TEAD1: variants seen among roughly 807,000 people sequenced by gnomAD.
TEAD1 encodes TEA domain transcription factor 1.
A neutral mutation model predicts 54.9 loss-of-function variants in TEAD1; 9 were observed. That is an observed-to-expected ratio of 0.16 (90% CI 0.10 to 0.29). The LOEUF (loss-of-function observed/expected upper bound fraction) is 0.29, where lower values mean the gene tolerates loss of function less well. TEAD1 is among the 10% of genes least tolerant of loss of function. The pLI, the probability that TEAD1 is intolerant of heterozygous loss-of-function variation, is 1.00. For missense variants in TEAD1, 387 were observed against 535.9 expected (o/e 0.72, Z 2.74); for synonymous variants, 200 against 187.8 (o/e 1.07, Z -0.53).
At chr11:12,739,420 G>A (rs1195813840) in intron 2 of TEAD1, among the ~76,000 whole-genome samples, 1 of 152,140 alleles carries the variant, frequency 6.6e-6, no homozygotes, top group Non-Finnish European at 1.5e-5. Context: ...AACTGAAAAT[G>A]TCTATTAAAC....
intron 3 of TEAD1, among the ~76,000 whole-genome samples, chr11:12,819,259 C>T (rs566859293): frequency 1.0e-4 from 14 of 139,966 alleles, no homozygotes; most frequent in South Asian, 2.5e-4. Context: ...CCATTATCAC[C>T]GGTGCTTGTG....
In TEAD1 at chr11:12,941,131, T is replaced by C. The variant is rs529576196; in HGVS notation, c.*3909T>C. 1.3e-5 allele frequency: 2 copies of C among 152,360 alleles called. No homozygotes were observed. The highest frequency in any genetic ancestry group is 2.9e-5 in the Non-Finnish European group (2 of 68,068). 9.4% of individuals were successfully genotyped at this position (152,360 alleles called of 1,614,324 possible). Reference sequence around the variant, plus strand: ...GCTCTAAGCTTAATCCCTCAGAATGTGTGGACAGGTCAGCTTAGAAGAGAT... The same window carrying C: ...GCTCTAAGCTTAATCCCTCAGAATGCGTGGACAGGTCAGCTTAGAAGAGAT... On this transcript the variant is annotated 3_prime_UTR_variant, in exon 13 of 13. Coordinates refer to ENST00000527636, the MANE Select transcript of TEAD1 (RefSeq NM_021961.6).
intron 10 of TEAD1, among the ~76,000 whole-genome samples, chr11:12,912,693 CAA>C (rs939604648): frequency 2.6e-5 from 4 of 152,180 alleles, no homozygotes; most frequent in Non-Finnish European, 5.9e-5. Context: ...AAAATGAGCA[CAA>C]GAGCTTACAT....
chr11:12,696,731 C>T (rs938993856), intron 2 of TEAD1, among the ~76,000 whole-genome samples: 2 of 151,994 alleles, frequency 1.3e-5, no homozygotes, highest in Non-Finnish European at 2.9e-5. Context: ...GAAATACACC[C>T]TGCGTGCTGT....
Position 12,862,298 on chromosome 11 carries a change from C to T in TEAD1, c.251C>T (p.Thr84Met), listed in dbSNP as rs867734243. Residue 84 changes from threonine (T) to methionine (M), a missense_variant, in exon 4 of 13, where the codon ACG becomes ATG. By Grantham distance (81) the Thr-to-Met change is moderately conservative (BLOSUM62 -1). Transcript: ENST00000527636. ...TACATCAAACTCAGGACAGGCAAGA[C>T]GAGGACCAGAAAACAGGTAAAATAA... is the stretch of plus-strand genomic sequence containing the variant. 6.2e-7 allele frequency: 1 copy of T among 1,613,772 alleles called. No homozygotes were observed. Among genetic ancestry groups the T allele is most frequent in the Non-Finnish European group, 8.5e-7 (1 of 1,179,888 alleles).
At chr11:12,859,433 T>C (rs1217019759) in intron 3 of TEAD1, among the ~76,000 whole-genome samples, 1 of 152,134 alleles carries the variant, frequency 6.6e-6, no homozygotes, top group Non-Finnish European at 1.5e-5. Flanking sequence ...AGGCCCCAGG[T>C]TGGAGGATGC....
At chr11:12,884,224 C>T (rs1481248238) in intron 9 of TEAD1, among the ~76,000 whole-genome samples, 2 of 152,096 alleles carry the variant, frequency 1.3e-5, no homozygotes, top group East Asian at 1.9e-4. Flanking sequence ...CAACAAGCCC[C>T]GTACCCTTTC....
At chr11:12,915,713 G>A (rs906910248) in intron 10 of TEAD1, among the ~76,000 whole-genome samples, 5 of 152,194 alleles carry the variant, frequency 3.3e-5, no homozygotes, top group African/African-American at 4.8e-5. Flanking sequence ...GTGTGGTGGC[G>A]CACATCTGTA....
At chr11:12,824,143 C>CTGTTTGAAAT (rs1321104249) in intron 3 of TEAD1, among the ~76,000 whole-genome samples, 1 of 152,186 alleles carries the variant, frequency 6.6e-6, no homozygotes, top group East Asian at 1.9e-4. Context: ...ACAGTATTTT[C>CTGTTTGAAAT]TGTGAAATCC....
chr11:12,787,736 C>G (rs1045373343), intron 3 of TEAD1, among the ~76,000 whole-genome samples: 1 of 152,072 alleles, frequency 6.6e-6, no homozygotes, highest in Admixed American at 6.5e-5. Context: ...ATTATAAAAA[C>G]TAAATATGCA....
At chr11:12,737,025 A>G (rs1944547696) in intron 2 of TEAD1, among the ~76,000 whole-genome samples, 2 of 152,330 alleles carry the variant, frequency 1.3e-5, no homozygotes, top group Admixed American at 6.5e-5. Context: ...TGGGCAGTCC[A>G]GCTGTAAGCC....
chr11:12,858,364 A>G (rs952422833), intron 3 of TEAD1, among the ~76,000 whole-genome samples: 2 of 152,210 alleles, frequency 1.3e-5, no homozygotes, highest in African/African-American at 4.8e-5. Context: ...GGATTTATGT[A>G]TATTTGATAT....
In TEAD1 at chr11:12,944,705, A is replaced by C. The variant is rs1244977927; in HGVS notation, c.*7483A>C. On this transcript the variant is annotated 3_prime_UTR_variant, in exon 13 of 13. Transcript: ENST00000527636. ...AGAAACTTTGTATTCATACGGTATCAATGAAAAATAAAGAAAATGAAAGTG... is the reference window on the plus strand; with the variant it reads ...AGAAACTTTGTATTCATACGGTATCCATGAAAAATAAAGAAAATGAAAGTG... Among the ~76,000 whole-genome samples, 1 of 152,216 alleles carries C rather than the reference A, an allele frequency of 6.6e-6. No individual in the cohort carries two copies. Among genetic ancestry groups the C allele is most frequent in the Non-Finnish European group, 1.5e-5 (1 of 68,034 alleles).
At chr11:12,837,707 C>CCCTTCT (rs1195041038) in intron 3 of TEAD1, among the ~76,000 whole-genome samples, 3 of 150,792 alleles carry the variant, frequency 2.0e-5, no homozygotes, top group African/African-American at 7.4e-5. Context: ...TCTCCCTTCT[C>CCCTTCT]CCTTCTCCTT....
chr11:12,779,109 G>GGT (rs140152167), intron 3 of TEAD1, among the ~76,000 whole-genome samples: 2 of 151,844 alleles, frequency 1.3e-5, no homozygotes, highest in South Asian at 2.1e-4. Context: ...AAGTGGTAGG[G>GGT]GTGTGTGTGT....
intron 3 of TEAD1, among the ~76,000 whole-genome samples, chr11:12,771,866 G>C (rs1348326047): frequency 6.6e-6 from 1 of 152,146 alleles, no homozygotes; most frequent in Non-Finnish European, 1.5e-5. Context: ...TTCAGAAAAG[G>C]GAAGACAGAT....
chr11:12,785,559 A>G (rs528483314), intron 3 of TEAD1, among the ~76,000 whole-genome samples: 5 of 152,352 alleles, frequency 3.3e-5, no homozygotes, highest in Admixed American at 1.3e-4. Context: ...ACCAGGATAT[A>G]TAATCTTCCT....
intron 3 of TEAD1, among the ~76,000 whole-genome samples, chr11:12,834,203 CG>C (rs1174265580): frequency 6.6e-6 from 1 of 152,066 alleles, no homozygotes; most frequent in East Asian, 1.9e-4. Context: ...AGTCAGTTGA[CG>C]TTTGTAGAGG....
chr11:12,847,720 C>T (rs1044003927), intron 3 of TEAD1, among the ~76,000 whole-genome samples: 1 of 152,120 alleles, frequency 6.6e-6, no homozygotes. Context: ...ACGGGTCTTG[C>T]TCTGTTGGCC....
Sources: gnomAD v4.1 joint callset for allele counts (sites outside exome capture counted in the v4.1 genomes callset) on GRCh38, gnomAD v4.1.1 for gene constraint, MANE v1.5 for transcripts, NCBI Gene and HGNC (gene_info 2026-07-23, HGNC 2026-07-21) for gene names.